The following SERPINI1 variants were observed in gnomAD, a reference collection of about 807,000 sequenced individuals.
SERPINI1 encodes neuroserpin.
In SERPINI1, 19 loss-of-function variants were observed where a neutral mutation model predicts 41.1. The ratio of observed to expected loss-of-function variants is 0.46; its 90% confidence interval spans 0.32 to 0.68. SERPINI1 has a LOEUF of 0.68. SERPINI1 is among the 30% of genes least tolerant of loss of function. The pLI, the probability that SERPINI1 is intolerant of heterozygous loss-of-function variation, is 0.03. For missense variants in SERPINI1, 460 were observed against 479.2 expected (o/e 0.96, Z 0.37); for synonymous variants, 138 against 156.6 (o/e 0.88, Z 0.89).
intron 1 of SERPINI1, among the ~76,000 whole-genome samples, chr3:167,786,655 C>T (rs983205436): frequency 6.6e-6 from 1 of 152,012 alleles, no homozygotes; most frequent in Non-Finnish European, 1.5e-5. Context: ...TAGAACATTA[C>T]TGTATGTTAC....
At position 167,740,732 on chromosome 3, in the gene SERPINI1, G is replaced by A. The variant is rs116353423; in HGVS notation, c.-19+4909G>A. 7.6e-3 allele frequency among the ~76,000 whole-genome samples: 1,160 copies of A among 152,304 alleles called. 35 individuals carry two copies. The highest frequency in any genetic ancestry group is 3.5e-3 in the Non-Finnish European group (236 of 68,038). ...CGCGCGCGCTTGTGTGCGTGTGTGT[G>A]TGCGTGCATGGGCGCATGCTTCAGA... On this transcript the variant is annotated intron_variant, in intron 1 of 8. Coordinates refer to ENST00000446050, the MANE Select transcript of SERPINI1 (RefSeq NM_001122752.2).
At chr3:167,767,993 T>C (rs1726620201) in intron 1 of SERPINI1, among the ~76,000 whole-genome samples, 1 of 152,224 alleles carries the variant, frequency 6.6e-6, no homozygotes, top group African/African-American at 2.4e-5. Context: ...AAAACTCAGT[T>C]GATAAAGCAA....
chr3:167,782,543 T>C (rs1046281303), intron 1 of SERPINI1, among the ~76,000 whole-genome samples: 2 of 152,142 alleles, frequency 1.3e-5, no homozygotes, highest in African/African-American at 2.4e-5. Flanking sequence ...TATGTGTAAT[T>C]AATTAGGTGC....
Position 167,823,029 on chromosome 3 carries a change from C to G in SERPINI1, c.1023C>G (p.Phe341Leu). The G allele has an allele frequency of 6.2e-7, 1 of 1,611,352 alleles. No individual in the cohort carries two copies. The highest frequency in any genetic ancestry group is 8.5e-7 in the Non-Finnish European group (1 of 1,177,582). ...TTTCCAAAGCAATTCACAAGTCCTT[C>G]CTAGAGGTTAATGAAGAAGGCTCAG... is the stretch of plus-strand genomic sequence containing the variant. ...IFLSKAIHKS[F>L]LEVNEEGSEA... Residue 341 changes from phenylalanine (F) to leucine (L), a missense_variant, in exon 7 of 9, where the codon TTC becomes TTG. Phe to Leu is a conservative substitution (Grantham distance 22). Coordinates refer to ENST00000446050, the MANE Select transcript of SERPINI1 (RefSeq NM_001122752.2).
chr3:167,761,429 C>T (rs901130295), intron 1 of SERPINI1, among the ~76,000 whole-genome samples: 1 of 152,068 alleles, frequency 6.6e-6, no homozygotes, highest in African/African-American at 2.4e-5. Context: ...CCATGTTTGC[C>T]TTAAAGATTT....
At chr3:167,764,283 A>T (rs192669912) in intron 1 of SERPINI1, among the ~76,000 whole-genome samples, 1 of 152,044 alleles carries the variant, frequency 6.6e-6, no homozygotes, top group Admixed American at 6.6e-5. Flanking sequence ...TTCATACCCA[A>T]ATTTATACAG....
chr3:167,739,978 A>G (rs1011991120), intron 1 of SERPINI1, among the ~76,000 whole-genome samples: 4 of 151,084 alleles, frequency 2.6e-5, no homozygotes, highest in African/African-American at 9.7e-5. Flanking sequence ...GTTGATTTAT[A>G]TAAATTGGCT....
At chr3:167,767,868 A>T (rs549867864) in intron 1 of SERPINI1, among the ~76,000 whole-genome samples, 14 of 152,316 alleles carry the variant, frequency 9.2e-5, no homozygotes, top group Non-Finnish European at 1.9e-4. Context: ...ATTTGAAGGG[A>T]TGAGGCATTG....
chr3:167,749,751 T>C (rs1188047241), intron 1 of SERPINI1, among the ~76,000 whole-genome samples: 1 of 152,220 alleles, frequency 6.6e-6, no homozygotes, highest in Non-Finnish European at 1.5e-5. Flanking sequence ...ACCTGTTTAC[T>C]GTTAATAAAC....
intron 5 of SERPINI1, among the ~76,000 whole-genome samples, chr3:167,796,520 CT>C (rs1408923912): frequency 6.6e-6 from 1 of 152,074 alleles, no homozygotes. Context: ...CCGCAACCCC[CT>C]GACAGGCCCC....
intron 1 of SERPINI1, among the ~76,000 whole-genome samples, chr3:167,770,182 T>C (rs1726700321): frequency 6.6e-6 from 1 of 151,956 alleles, no homozygotes; most frequent in South Asian, 2.1e-4. Flanking sequence ...TATGTATATA[T>C]TTACATATGA....
At chr3:167,811,140 A>G (rs1207742550) in intron 6 of SERPINI1, among the ~76,000 whole-genome samples, 1 of 151,468 alleles carries the variant, frequency 6.6e-6, no homozygotes, top group African/African-American at 2.4e-5. Flanking sequence ...ACCCCTGTTA[A>G]TGTTGCTATT....
chr3:167,796,231 G>A (rs1727707268), intron 5 of SERPINI1, among the ~76,000 whole-genome samples: 1 of 151,412 alleles, frequency 6.6e-6, no homozygotes, highest in African/African-American at 2.4e-5. Flanking sequence ...CTGGAAAATT[G>A]TTTTATAATA....
intron 6 of SERPINI1, among the ~76,000 whole-genome samples, chr3:167,810,264 A>G (rs1294522528): frequency 6.6e-6 from 1 of 152,118 alleles, no homozygotes; most frequent in Non-Finnish European, 1.5e-5. Context: ...ATTAATGTCT[A>G]TAACTCTTCA....
In SERPINI1 at chr3:167,792,252, G is replaced by A. The variant is rs192268304; in HGVS notation, c.482-338G>A. ...TAAGTCTAAGCTTATATTGTATGTG[G>A]TTCTGTAGTTTGTGTATCAGGAAGC... On this transcript the variant is annotated intron_variant, in intron 3 of 8. Coordinates refer to ENST00000446050, the MANE Select transcript of SERPINI1 (RefSeq NM_001122752.2). Among the ~76,000 whole-genome samples, 318 of 152,178 alleles carry A rather than the reference G, an allele frequency of 2.1e-3. 1 individual carries two copies. The Middle Eastern group carries it at 0.024, about 11-fold the overall frequency.
chr3:167,760,571 G>C (rs1264980642), intron 1 of SERPINI1, among the ~76,000 whole-genome samples: 4 of 62,528 alleles, frequency 6.4e-5, no homozygotes, highest in African/African-American at 4.8e-4. Context: ...TTGTGTGTGT[G>C]TGTGTGTGTG....
intron 1 of SERPINI1, among the ~76,000 whole-genome samples, chr3:167,761,978 C>T (rs1726396790): frequency 6.6e-6 from 1 of 152,092 alleles, no homozygotes; most frequent in Non-Finnish European, 1.5e-5. Flanking sequence ...GCAGAAATAC[C>T]TAGTATGGTA....
intron 1 of SERPINI1, among the ~76,000 whole-genome samples, chr3:167,759,983 A>G (rs1179991907): frequency 2.0e-5 from 3 of 152,214 alleles, no homozygotes; most frequent in Non-Finnish European, 4.4e-5. Context: ...GTACGTATGT[A>G]TATATGCCAC....
chr3:167,824,445 A>C, intron 7 of SERPINI1, 28 bp from the exon 8 acceptor site: 1 of 1,549,958 alleles, frequency 6.5e-7, no homozygotes, highest in South Asian at 1.1e-5. Context: ...ATCCACAGAC[A>C]TATAATTACT....
Sources: allele counts gnomAD v4.1 joint callset (sites outside exome capture counted in the v4.1 genomes callset), GRCh38; gene constraint gnomAD v4.1.1; transcripts MANE v1.5; gene names NCBI Gene and HGNC (gene_info 2026-07-23, HGNC 2026-07-21).